RNF114: variants seen among roughly 807,000 people sequenced by gnomAD.
The protein encoded by RNF114 is ring finger protein 114, also known as E3 ubiquitin-protein ligase RNF114.
A neutral mutation model predicts 28.4 loss-of-function variants in RNF114; 6 were observed. That is an observed-to-expected ratio of 0.21 (90% CI 0.12 to 0.42). The LOEUF (loss-of-function observed/expected upper bound fraction) is 0.42. Ranked by LOEUF, RNF114 falls within the 10% of genes least tolerant of loss-of-function variation. The pLI is 1.00. For missense variants in RNF114, 249 were observed against 311.7 expected, an observed-to-expected ratio of 0.80 and a Z score of 1.51; for synonymous variants, 115 against 116.7, an observed-to-expected ratio of 0.99 and a Z score of 0.09.
chr20:49,943,032 A>T (rs561641609), intron 2 of RNF114, among the ~76,000 whole-genome samples: 7 of 151,266 alleles, frequency 4.6e-5, no homozygotes, highest in Non-Finnish European at 8.8e-5. Flanking sequence ...TTTTTCTCTT[A>T]CATATTGGAC....
chr20:49,936,436 C>CG lies in RNF114; in HGVS notation c.29dup (p.Ala11CysfsTer12). On this transcript the variant is annotated frameshift_variant, in exon 1 of 6. Transcript: ENST00000244061. LOFTEE classifies it high-confidence loss of function. ...AGATGGCGGCGCAACAGCGGGACTG[C>CG]GGGGGTGCTGCGCAGCTGGCGGGGC... The CG allele has an allele frequency of 6.5e-7, 1 of 1,538,370 alleles. No individual in the cohort carries two copies. The highest frequency in any genetic ancestry group is 2.6e-5 in the East Asian group (1 of 38,492).
At chr20:49,947,769 G>GTTTTTTTTTTTTTTTTTTTTTTTTTTT (rs71190519) in intron 4 of RNF114, among the ~76,000 whole-genome samples, 1 of 50,422 alleles carries the variant, frequency 2.0e-5, no homozygotes, top group Non-Finnish European at 3.5e-5. Context: ...CCCTCTGCAA[G>GTTTTTTTTTTTTTTTTTTTTTTTTTTT]TTTTTTTTTT....
At chr20:49,936,682 G>GA in intron 1 of RNF114, 130 bp downstream of exon 1, 7 of 1,139,944 alleles carry the variant, frequency 6.1e-6, no homozygotes, top group Non-Finnish European at 8.4e-6. Context: ...TGTCCCCCGG[G>GA]GCTCCTAAGG....
chr20:49,951,430 CCT>C (rs2090354898), intron 5 of RNF114, among the ~76,000 whole-genome samples: 1 of 152,124 alleles, frequency 6.6e-6, no homozygotes, highest in Non-Finnish European at 1.5e-5. Flanking sequence ...ACTGATTCCA[CCT>C]CTCAGAAACA....
chr20:49,936,670 G>C (rs866517728), intron 1 of RNF114, 118 bp downstream of exon 1: 2 of 1,302,862 alleles, frequency 1.5e-6, no homozygotes, highest in African/African-American at 3.2e-5. Flanking sequence ...GCCTCCCGGG[G>C]GTGTCCCCCG....
chr20:49,951,248 G>C (rs926200456), intron 5 of RNF114, among the ~76,000 whole-genome samples: 1 of 151,252 alleles, frequency 6.6e-6, no homozygotes, highest in African/African-American at 2.4e-5. Flanking sequence ...TCAGACTTCA[G>C]AATAACTGCC....
Position 49,946,167 on chromosome 20 carries a change from C to T in RNF114, c.430C>T (p.Pro144Ser), listed in dbSNP as rs2090330344. 1 of 1,610,138 alleles carries T rather than the reference C, an allele frequency of 6.2e-7. No homozygotes were observed. The highest frequency in any genetic ancestry group is 8.5e-7 in the Non-Finnish European group (1 of 1,178,340). The stretch of plus-strand genomic sequence containing the variant: ...TCCAAACCGTTACACCTTTCCTTGT[C>T]CTTACTGTCCTGAGAAGAACTTTGA... Reference protein sequence around the residue: ...NVPNRYTFPCPYCPEKNFDQE... With the variant: ...NVPNRYTFPCSYCPEKNFDQE... The change falls in exon 4 of 6, where the codon CCT becomes TCT. Residue 144 changes from proline (P) to serine (S), a missense_variant. By Grantham distance (74) the Pro-to-Ser change is moderately conservative (BLOSUM62 -1). Coordinates refer to ENST00000244061, the MANE Select transcript of RNF114 (RefSeq NM_018683.4).
In RNF114 at chr20:49,946,200, G is replaced by A; in HGVS notation, c.463G>A (p.Gly155Arg). 6.2e-7 allele frequency: 1 copy of A among 1,612,154 alleles called. No individual in the cohort carries two copies. Among genetic ancestry groups the A allele is most frequent in the Non-Finnish European group, 8.5e-7 (1 of 1,178,892 alleles). The part of the protein sequence containing the change: ...YCPEKNFDQE[G>R]LVEHCKLFHS... ...TCCTGAGAAGAACTTTGATCAGGAA[G>A]GACTTGTGGAACACTGCAAATTATT... The change falls in exon 4 of 6, where the codon GGA (glycine) becomes AGA (arginine). Residue 155 changes from glycine (G) to arginine (R), a missense_variant. Physicochemically the swap from Gly to Arg is moderately radical, Grantham distance 125 (BLOSUM62 -2). Around this residue, in one of 2 missense-constraint regions of RNF114, gnomAD observed 126 missense variants for 205.3 expected, o/e 0.61. Transcript: ENST00000244061.
At chr20:49,943,322 CTG>C (rs1398612754) in intron 2 of RNF114, among the ~76,000 whole-genome samples, 2 of 152,112 alleles carry the variant, frequency 1.3e-5, no homozygotes, top group African/African-American at 4.8e-5. Context: ...TAGTGGGACT[CTG>C]TATATACCAA....
chr20:49,950,821 T>C (rs2090352638), intron 5 of RNF114, among the ~76,000 whole-genome samples: 1 of 152,224 alleles, frequency 6.6e-6, no homozygotes, highest in Admixed American at 6.5e-5. Context: ...TGACTCGTTA[T>C]GCTGCCATCA....
rs775686162 is a variant in RNF114, at chr20:49,945,401, G to A, written c.311G>A (p.Arg104Gln). Residue 104 changes from arginine to glutamine, a missense_variant, in exon 3 of 6, where the codon CGG becomes CAG. Arg to Gln is a conservative substitution (Grantham distance 43). Around this residue, in one of 2 missense-constraint regions of RNF114, gnomAD observed 126 missense variants for 205.3 expected, o/e 0.61. Transcript: ENST00000244061. ...TTTGAGTTCTTCCTGTCCAAGATCC[G>A]GTCCCACGTGGCTACTTGTTCCAAA... The part of the protein sequence containing the change: ...CRKNFFLSKI[R>Q]SHVATCSKYQ... The A allele has an allele frequency of 1.2e-6, 2 of 1,612,054 alleles. No individual in the cohort carries two copies. The highest frequency in any genetic ancestry group is 3.3e-5 in the Admixed American group (2 of 59,992).
At chr20:49,938,705 C>A (rs2090296427) in intron 1 of RNF114, among the ~76,000 whole-genome samples, 1 of 152,180 alleles carries the variant, frequency 6.6e-6, no homozygotes, top group African/African-American at 2.4e-5. Flanking sequence ...GAAAAGCCAT[C>A]CCAGGATATT....
intron 1 of RNF114, among the ~76,000 whole-genome samples, chr20:49,938,582 G>A (rs894609881): frequency 6.6e-6 from 1 of 152,216 alleles, no homozygotes; most frequent in Non-Finnish European, 1.5e-5. Context: ...TACAGCTGGA[G>A]AAAGGCAGCT....
At position 49,952,142 on chromosome 20, in the gene RNF114, G is replaced by T. The variant is rs1179882518; in HGVS notation, c.*1G>T. 1 of 1,613,076 alleles carries T rather than the reference G, an allele frequency of 6.2e-7. No individual in the cohort carries two copies. The highest frequency in any genetic ancestry group is 8.5e-7 in the Non-Finnish European group (1 of 1,179,124). On this transcript the variant is annotated 3_prime_UTR_variant, in exon 6 of 6. Transcript: ENST00000244061. ...GCAGCGCTCCATCATCGACCAGTGA[G>T]CAGAGTCCGTGCTTGCTATCTGTCT...
Position 49,946,124 on chromosome 20 carries a change from T to C in RNF114, c.399-12T>C. On this transcript the variant is annotated splice_polypyrimidine_tract_variant and intron_variant, in intron 3 of 5. Coordinates refer to ENST00000244061, the MANE Select transcript of RNF114 (RefSeq NM_018683.4). ...AGAAAAGTTTTCTTTTTTCCTGTGT[T>C]TCACCTTCCAGGAATGTTCCAAACC... is the stretch of plus-strand genomic sequence containing the variant. The C allele has an allele frequency of 6.6e-7, 1 of 1,519,306 alleles. No individual in the cohort carries two copies. The highest frequency in any genetic ancestry group is 9.0e-7 in the Non-Finnish European group (1 of 1,114,098). 94.1% of individuals were successfully genotyped at this position (1,519,306 alleles called of 1,614,324 possible).
At chr20:49,944,234 A>T (rs1323107428) in intron 2 of RNF114, 2 of 151,660 alleles carry the variant, frequency 1.3e-5, no homozygotes, top group Non-Finnish European at 2.9e-5. Flanking sequence ...ACGCCTGCCT[A>T]ATTTTTTTGT....
At chr20:49,949,425 G>T in intron 5 of RNF114, 70 bp downstream of exon 5, 1 of 1,252,844 alleles carries the variant, frequency 8.0e-7, no homozygotes. Context: ...CTTCTCAAAA[G>T]GGGAAATGGG....
At chr20:49,942,029 C>G in intron 2 of RNF114, 1 of 267,928 alleles carries the variant, frequency 3.7e-6, no homozygotes, top group African/African-American at 2.3e-5. Context: ...CTTTGGGAGT[C>G]CGAGGCAAGA....
intron 1 of RNF114, among the ~76,000 whole-genome samples, chr20:49,937,752 A>G (rs2090293340): frequency 1.3e-5 from 2 of 151,422 alleles, no homozygotes; most frequent in Admixed American, 6.6e-5. Context: ...ACCAAATACC[A>G]TCCCCATCTA....
Sources: allele counts gnomAD v4.1 joint callset (sites outside exome capture counted in the v4.1 genomes callset), GRCh38; gene constraint gnomAD v4.1.1; regional missense constraint gnomAD v4.1.1; transcripts MANE v1.5; gene names NCBI Gene and HGNC (gene_info 2026-07-23, HGNC 2026-07-21).